CCT4: variants seen among roughly 807,000 people sequenced by gnomAD.
The protein encoded by CCT4 is chaperonin containing TCP1 subunit 4.
Under a neutral mutation model 62.5 loss-of-function variants are expected in CCT4, and 17 were observed. The ratio of observed to expected loss-of-function variants is 0.27; its 90% CI spans 0.19 to 0.41. The LOEUF (loss-of-function observed/expected upper bound fraction) is 0.41, where lower values mean the gene tolerates loss of function less well. Ranked by LOEUF, CCT4 falls within the 10% of genes least tolerant of loss-of-function variation. The probability of loss-of-function intolerance (pLI) is 1.00; values close to 1 mark genes in which losing one functional copy is unlikely to be tolerated. For missense variants in CCT4, 592 were observed against 659.2 expected, an observed-to-expected ratio of 0.90 and a Z score of 1.12; for synonymous variants, 250 against 229.9, an observed-to-expected ratio of 1.09 and a Z score of -0.79.
At position 61,876,117 on chromosome 2, in the gene CCT4, G is replaced by C. The variant is rs199731829; in HGVS notation, c.895C>G (p.Leu299Val). 94 of 1,603,762 alleles carry C rather than the reference G, an allele frequency of 5.9e-5. 1 individual carries two copies. The East Asian group carries it at 1.1e-3, about 18-fold the overall frequency. ...CACCTTAGAATAGATTTCTGTATGA[G>C]AAGGACATTACATCCTGTTTTTTTA... ...QIKKTGCNVL[L>V]IQKSILRDAL... Residue 299 changes from leucine (L) to valine (V), a missense_variant, in exon 8 of 14, where the codon CTC becomes GTC. Leu to Val is a conservative substitution (Grantham distance 32, BLOSUM62 1). Coordinates refer to ENST00000394440, the MANE Select transcript of CCT4 (RefSeq NM_006430.4).
rs200953704 is a variant in CCT4 at position 61,872,441 on chromosome 2, T to C, written c.1256+17A>G. 1.7e-5 allele frequency: 27 copies of C among 1,585,164 alleles called. No individual in the cohort carries two copies. The highest frequency in any genetic ancestry group is 4.5e-5 in the East Asian group (2 of 44,470). ...TAATGTTCAAAATGTTACTTAATAA[T>C]GTAACACTGACATTACCTCTTCTTC... On this transcript the variant is annotated intron_variant, in intron 11 of 13. Transcript: ENST00000394440.
At position 61,873,790 on chromosome 2, in the gene CCT4, T is replaced by C. The variant is rs180967304; in HGVS notation, c.918-497A>G. On this transcript the variant is annotated intron_variant, in intron 8 of 13. Transcript: ENST00000394440. The stretch of plus-strand genomic sequence containing the variant: ...CATGTTGGCCACGCTGGTCTCGAAC[T>C]CCTGACTTCAGGTGATCCACCCGCC... 1.2e-3 allele frequency among the ~76,000 whole-genome samples: 178 copies of C among 152,272 alleles called. 1 individual carries two copies. Among genetic ancestry groups the C allele is most frequent in the African/African-American group, 3.9e-3 (161 of 41,544 alleles).
chr2:61,874,402 C>T (rs768161479), intron 8 of CCT4, among the ~76,000 whole-genome samples: 4 of 151,950 alleles, frequency 2.6e-5, no homozygotes, highest in Admixed American at 1.3e-4. Context: ...GGGCAGACCA[C>T]GAGGTCAGGA....
chr2:61,888,216 C>A, intron 1 of CCT4, 165 bp downstream of exon 1: 1 of 823,530 alleles, frequency 1.2e-6, no homozygotes. Context: ...TGGCGATCAT[C>A]GGCAGAAAAA....
chr2:61,872,971 G>A (rs1668915611), intron 10 of CCT4, 31 bp downstream of exon 10: 1 of 1,248,998 alleles, frequency 8.0e-7, no homozygotes, highest in Non-Finnish European at 1.2e-6. Flanking sequence ...CCAAACCTAA[G>A]CAAATAAAAA....
At position 61,878,013 on chromosome 2, in the gene CCT4, C is replaced by T. The variant is rs117717753; in HGVS notation, c.523-499G>A. ...GAGGTTAAGTCATTTGGCCAAACAGCGTAGTTAAGTGGTGAAGTCAGTACT... is the reference window on the plus strand; with the variant it reads ...GAGGTTAAGTCATTTGGCCAAACAGTGTAGTTAAGTGGTGAAGTCAGTACT... On this transcript the variant is annotated intron_variant, in intron 5 of 13. Coordinates refer to ENST00000394440, the MANE Select transcript of CCT4 (RefSeq NM_006430.4). Among the ~76,000 whole-genome samples, 17 of 152,214 alleles carry T rather than the reference C, an allele frequency of 1.1e-4. No homozygotes were observed. In the East Asian group the frequency reaches 1.7e-3, roughly 16 times the overall value.
chr2:61,879,601 T>C (rs1669071030), intron 4 of CCT4, among the ~76,000 whole-genome samples: 1 of 151,878 alleles, frequency 6.6e-6, no homozygotes, highest in Non-Finnish European at 1.5e-5. Flanking sequence ...ATATCACAAA[T>C]CTACATTATA....
chr2:61,879,681 C>T (rs1040373228), intron 4 of CCT4, among the ~76,000 whole-genome samples: 1 of 151,922 alleles, frequency 6.6e-6, no homozygotes, highest in African/African-American at 2.4e-5. Flanking sequence ...ACAATCCTGA[C>T]TTTCTCTCCC....
In CCT4 at chr2:61,873,211, C is replaced by T; in HGVS notation, c.1000G>A (p.Glu334Lys). Residue 334 changes from glutamate to lysine, a missense_variant, in exon 9 of 14, where the codon GAA becomes AAA. Glu to Lys is a moderately conservative substitution (Grantham distance 56). Transcript: ENST00000394440. ...VIKDIEREDI[E>K]FICKTIGTKP... Reference sequence around the variant, plus strand: ...TAATGTTTTACCTTACAAATGAATTCAATGTCTTCTCTTTCAATATCCTTA... The same window carrying T: ...TAATGTTTTACCTTACAAATGAATTTAATGTCTTCTCTTTCAATATCCTTA... The T allele has an allele frequency of 6.7e-7, 1 of 1,489,680 alleles. No homozygotes were observed. Among genetic ancestry groups the T allele is most frequent in the Non-Finnish European group, 9.4e-7 (1 of 1,067,232 alleles). The allele number at this position is 1,489,680 out of a possible 1,614,324, so 92.3% of individuals were successfully genotyped here.
At chr2:61,879,439 ATTTTTTTT>A (rs35177149) in intron 4 of CCT4, among the ~76,000 whole-genome samples, 1 of 103,558 alleles carries the variant, frequency 9.7e-6, no homozygotes, top group African/African-American at 3.6e-5. Context: ...TTTTTTTTGT[ATTTTTTTT>A]TTTTTTTTTT....
At chr2:61,879,428 AT>A (rs1280771841) in intron 4 of CCT4, among the ~76,000 whole-genome samples, 1 of 138,680 alleles carries the variant, frequency 7.2e-6, no homozygotes, top group African/African-American at 2.7e-5. Flanking sequence ...CACCCGGCTA[AT>A]TTTTTTTGTA....
chr2:61,875,214 AAAT>A (rs1161012074), intron 8 of CCT4, among the ~76,000 whole-genome samples: 1 of 149,698 alleles, frequency 6.7e-6, no homozygotes, highest in Non-Finnish European at 1.5e-5. Context: ...CTGCAAGGAA[AAAT>A]AATGATACTG....
chr2:61,868,828 GCAAATATTTAT>G, intron 13 of CCT4, 122 bp from the exon 14 acceptor site: 1 of 736,004 alleles, frequency 1.4e-6, no homozygotes, highest in East Asian at 2.6e-5. Flanking sequence ...TTGATGACTA[GCAAATATTTAT>G]CAAAAGTAAA....
In CCT4 at chr2:61,888,613, C is replaced by T. The variant is rs939347641; in HGVS notation, c.-106G>A. The T allele has an allele frequency of 7.4e-7, 1 of 1,354,950 alleles. No individual in the cohort carries two copies. The highest frequency in any genetic ancestry group is 9.8e-7 in the Non-Finnish European group (1 of 1,019,468). 83.9% of individuals were successfully genotyped at this position (1,354,950 alleles called of 1,614,324 possible). A position where few individuals can be genotyped will look rare whatever the true frequency, so the allele number is the denominator to read the frequency against. ...AGCCCTCACTGCCTTCACGAACCTTCCAGAAAGCGGCGCCGGCGTCGGGAG... is the reference window on the plus strand; with the variant it reads ...AGCCCTCACTGCCTTCACGAACCTTTCAGAAAGCGGCGCCGGCGTCGGGAG... On this transcript the variant is annotated 5_prime_UTR_variant, in exon 1 of 14. Transcript: ENST00000394440.
intron 3 of CCT4, among the ~76,000 whole-genome samples, chr2:61,881,077 G>GTA (rs1669101035): frequency 6.6e-6 from 1 of 151,986 alleles, no homozygotes; most frequent in Non-Finnish European, 1.5e-5. Context: ...TAGACCCCTT[G>GTA]TAAGTATAAC....
In CCT4 at chr2:61,883,489, T is replaced by G; in HGVS notation, c.240A>C (p.Gln80His). 1 of 1,596,612 alleles carries G rather than the reference T, an allele frequency of 6.3e-7. No individual in the cohort carries two copies. The highest frequency in any genetic ancestry group is 8.5e-7 in the Non-Finnish European group (1 of 1,170,506). The change falls in exon 3 of 14, where the codon CAA becomes CAC. Residue 80 changes from glutamine (Q) to histidine (H), a missense_variant. Transcript: ENST00000394440. ...TGGCTGCTGGATGTAATACTTGCAT[T>G]TGTTTCAGAATGGTAGCACCATCAT... ...ITNDGATILK[Q>H]MQVLHPAARM...
At chr2:61,869,902 G>C (rs1221958843) in intron 12 of CCT4, among the ~76,000 whole-genome samples, 2 of 150,960 alleles carry the variant, frequency 1.3e-5, no homozygotes, top group African/African-American at 4.9e-5. Context: ...AAAGTGCTGG[G>C]ATTACAGGCG....
intron 7 of CCT4, 149 bp from the exon 8 acceptor site, chr2:61,876,383 G>A (rs1669001993): frequency 1.9e-6 from 1 of 524,440 alleles, no homozygotes; most frequent in South Asian, 4.1e-5. Flanking sequence ...AAAGAGTCTG[G>A]ATTAAGATAC....
In CCT4 at chr2:61,876,089, C is replaced by T. The variant is rs764506192; in HGVS notation, c.917+6G>A. ...TAAGGGATGAACAAAATAAATAGCCCCACACCTTAGAATAGATTTCTGTAT... is the reference window on the plus strand; with the variant it reads ...TAAGGGATGAACAAAATAAATAGCCTCACACCTTAGAATAGATTTCTGTAT... On this transcript the variant is annotated splice_donor_region_variant and intron_variant, in intron 8 of 13. Transcript: ENST00000394440. The T allele has an allele frequency of 1.1e-5, 17 of 1,582,716 alleles. No homozygotes were observed. Among genetic ancestry groups the T allele is most frequent in the African/African-American group, 9.5e-5 (7 of 73,914 alleles).
Sources: gnomAD v4.1 joint callset for allele counts (sites outside exome capture counted in the v4.1 genomes callset) on GRCh38, gnomAD v4.1.1 for gene constraint, MANE v1.5 for transcripts, NCBI Gene and HGNC (gene_info 2026-07-23, HGNC 2026-07-21) for gene names.